Variants in MAGI1 observed in about 807,000 individuals in gnomAD.
The protein encoded by MAGI1 is membrane associated guanylate kinase, WW and PDZ domain containing 1.
In MAGI1, 58 loss-of-function variants were observed where a neutral mutation model predicts 139.9. The ratio of observed to expected loss-of-function variants is 0.41; its 90% CI spans 0.34 to 0.52. MAGI1 has a LOEUF of 0.52. Among genes scored for constraint, MAGI1 ranks in the 20% least tolerant of loss-of-function variants. The pLI, the probability that MAGI1 is intolerant of heterozygous loss-of-function variation, is 0.12. For missense variants in MAGI1, 1,874 were observed against 1,901.6 expected (o/e 0.99, Z 0.27); for synonymous variants, 812 against 737.9 (o/e 1.10, Z -1.63).
chr3:66,017,865 G>T (rs1374962583), intron 1 of MAGI1, among the ~76,000 whole-genome samples: 2 of 152,074 alleles, frequency 1.3e-5, no homozygotes, highest in Non-Finnish European at 2.9e-5. Flanking sequence ...AGGACTCTTA[G>T]GAAAACACAA....
intron 1 of MAGI1, among the ~76,000 whole-genome samples, chr3:66,015,373 T>C (rs2067576070): frequency 6.6e-6 from 1 of 152,052 alleles, no homozygotes; most frequent in Admixed American, 6.6e-5. Flanking sequence ...ATTTCCTCAT[T>C]GATAACTGTG....
intron 1 of MAGI1, among the ~76,000 whole-genome samples, chr3:66,027,208 C>A (rs1180762696): frequency 6.6e-6 from 1 of 151,846 alleles, no homozygotes. Context: ...GTGGAGCTTG[C>A]AGCGAGCCAA....
intron 2 of MAGI1, among the ~76,000 whole-genome samples, chr3:65,530,700 C>CAT (rs2078629062): frequency 7.7e-6 from 1 of 130,028 alleles, no homozygotes; most frequent in Non-Finnish European, 1.6e-5. Flanking sequence ...TATATATATA[C>CAT]ACATATACAC....
intron 1 of MAGI1, among the ~76,000 whole-genome samples, chr3:65,841,259 T>C (rs2058793300): frequency 6.6e-6 from 1 of 152,030 alleles, no homozygotes; most frequent in Admixed American, 6.6e-5. Flanking sequence ...TCTCTATTGT[T>C]TTCTGTTTTT....
chr3:65,493,888 G>C (rs9861566), intron 2 of MAGI1, among the ~76,000 whole-genome samples: 1,680 of 152,296 alleles, frequency 0.011, 34 homozygotes, highest in African/African-American at 0.038. Context: ...AACCTAGAGA[G>C]AGTTTTATAC....
chr3:65,505,010 T>C (rs1271264479), intron 2 of MAGI1, among the ~76,000 whole-genome samples: 2 of 152,178 alleles, frequency 1.3e-5, no homozygotes, highest in Non-Finnish European at 2.9e-5. Context: ...TAGATACACA[T>C]TTATCAGAAA....
chr3:65,702,524 C>A (rs2089685314), intron 1 of MAGI1, among the ~76,000 whole-genome samples: 1 of 152,156 alleles, frequency 6.6e-6, no homozygotes, highest in Non-Finnish European at 1.5e-5. Flanking sequence ...TTGCTAGCCT[C>A]TTCTCACTTT....
chr3:65,482,953 T>G (rs796903910), intron 3 of MAGI1, among the ~76,000 whole-genome samples: 41 of 152,346 alleles, frequency 2.7e-4, no homozygotes, highest in African/African-American at 9.4e-4. Flanking sequence ...AGAGAAATTT[T>G]TGCTCCTCCT....
chr3:65,827,707 C>T (rs1247853691), intron 1 of MAGI1, among the ~76,000 whole-genome samples: 5 of 152,200 alleles, frequency 3.3e-5, no homozygotes, highest in African/African-American at 1.2e-4. Context: ...AATAAAGTCC[C>T]AAGCTACAAA....
At chr3:66,012,861 T>C (rs1398905668) in intron 1 of MAGI1, among the ~76,000 whole-genome samples, 1 of 151,736 alleles carries the variant, frequency 6.6e-6, no homozygotes, top group African/African-American at 2.4e-5. Context: ...GTCCGGTAAA[T>C]CTGAATCACT....
intron 1 of MAGI1, among the ~76,000 whole-genome samples, chr3:65,855,185 T>C (rs1488254487): frequency 2.0e-5 from 3 of 151,766 alleles, no homozygotes; most frequent in Admixed American, 6.6e-5. Flanking sequence ...CATTAAAAGA[T>C]GCCATTATAA....
At position 65,693,703 on chromosome 3, in the gene MAGI1, T is replaced by TTTTTTTTTTG. The variant is rs1553692473; in HGVS notation, c.314-71616_314-71615insCAAAAAAAAA. ...AGGGTATCCATATTCAGAACAGTTT[T>TTTTTTTTTTG]TTTTTGTTTTTGTTTTTTGTTGTTG... On this transcript the variant is annotated intron_variant, in intron 1 of 22. Coordinates refer to ENST00000402939, the MANE Select transcript of MAGI1 (RefSeq NM_001033057.2). 4.8e-3 allele frequency among the ~76,000 whole-genome samples: 728 copies of TTTTTTTTTTG among 151,884 alleles called. 3 individuals are homozygous for TTTTTTTTTTG. Among genetic ancestry groups the TTTTTTTTTTG allele is most frequent in the African/African-American group, 0.017 (690 of 41,386 alleles).
chr3:65,638,210 T>A (rs1467674036), intron 1 of MAGI1, among the ~76,000 whole-genome samples: 2 of 152,190 alleles, frequency 1.3e-5, no homozygotes, highest in African/African-American at 4.8e-5. Context: ...AGGGCTGTCA[T>A]GAGGACTAAA....
intron 1 of MAGI1, among the ~76,000 whole-genome samples, chr3:65,728,878 G>C (rs1196489681): frequency 1.3e-5 from 2 of 151,944 alleles, no homozygotes; most frequent in Admixed American, 6.6e-5. Context: ...TTTTAAAATA[G>C]TAAGGCTTTA....
intron 1 of MAGI1, among the ~76,000 whole-genome samples, chr3:66,032,346 GA>G (rs1375234309): frequency 2.0e-5 from 3 of 149,752 alleles, no homozygotes; most frequent in East Asian, 4.0e-4. Flanking sequence ...TAGTGGCTGG[GA>G]TTACAGGCGC....
intron 1 of MAGI1, among the ~76,000 whole-genome samples, chr3:65,757,251 G>A (rs2036634826): frequency 6.6e-6 from 1 of 152,180 alleles, no homozygotes; most frequent in African/African-American, 2.4e-5. Flanking sequence ...CAAAACTGGA[G>A]GCCAGGGACC....
intron 12 of MAGI1, among the ~76,000 whole-genome samples, chr3:65,413,374 A>G (rs889338387): frequency 2.6e-5 from 4 of 152,178 alleles, no homozygotes; most frequent in Non-Finnish European, 5.9e-5. Context: ...ATGGTTAACA[A>G]CAGCAAGGCG....
chr3:65,916,784 AAC>A (rs147407295), intron 1 of MAGI1, among the ~76,000 whole-genome samples: 74 of 149,644 alleles, frequency 4.9e-4, no homozygotes, highest in African/African-American at 7.1e-4. Flanking sequence ...TACACACACT[AAC>A]ACACACACAC....
In MAGI1 at chr3:65,353,687, C is replaced by G. The variant is rs1317514186; in HGVS notation, c.*2691G>C. The G allele has an allele frequency of 6.6e-6, 1 of 152,064 alleles. No homozygotes were observed. The highest frequency in any genetic ancestry group is 1.5e-5 in the Non-Finnish European group (1 of 68,020). 9.4% of individuals were successfully genotyped at this position (152,064 alleles called of 1,614,324 possible). On this transcript the variant is annotated 3_prime_UTR_variant, in exon 23 of 23. Transcript: ENST00000402939. ...AACGGAGGGAGACAAATTCCTAAAT[C>G]GTTTGATTTCATCATACAAAATACT...
Sources: gnomAD v4.1 joint callset for allele counts (sites outside exome capture counted in the v4.1 genomes callset) on GRCh38, gnomAD v4.1.1 for gene constraint, MANE v1.5 for transcripts, NCBI Gene and HGNC (gene_info 2026-07-23, HGNC 2026-07-21) for gene names.